The following ZNF385D variants were observed in gnomAD, a reference collection of about 807,000 sequenced individuals.
The protein encoded by ZNF385D is zinc finger protein 659.
Under a neutral mutation model 35.8 loss-of-function variants are expected in ZNF385D, and 15 were observed. That is an observed-to-expected ratio of 0.42 (90% CI 0.28 to 0.64). ZNF385D has a LOEUF of 0.64. Among genes scored for constraint, ZNF385D ranks in the 30% least tolerant of loss-of-function variants. The probability of loss-of-function intolerance (pLI) is 0.23; values close to 1 mark genes in which losing one functional copy is unlikely to be tolerated. For missense variants in ZNF385D, 474 were observed against 494.6 expected, an observed-to-expected ratio of 0.96 and a Z score of 0.39; for synonymous variants, 212 against 186.8, an observed-to-expected ratio of 1.13 and a Z score of -1.10.
chr3:21,585,348 A>G (rs78156264), intron 2 of ZNF385D, among the ~76,000 whole-genome samples: 8,929 of 152,260 alleles, frequency 0.059, 603 homozygotes, highest in African/African-American at 0.16. Context: ...CTTGGAATAC[A>G]TAATTCCTTC....
At chr3:21,566,125 G>A (rs940449513) in intron 2 of ZNF385D, among the ~76,000 whole-genome samples, 8 of 152,168 alleles carry the variant, frequency 5.3e-5, no homozygotes, top group African/African-American at 1.7e-4. Flanking sequence ...GTAGCAGTTA[G>A]CATTTATTAT....
rs61226426 is a variant in ZNF385D, at chr3:21,757,120, C to CTTTTTTTTTTTTTTT, written c.326-92107_326-92093dup. 7.1e-3 allele frequency among the ~76,000 whole-genome samples: 760 copies of CTTTTTTTTTTTTTTT among 106,304 alleles called. 16 individuals carry two copies. Among genetic ancestry groups the CTTTTTTTTTTTTTTT allele is most frequent in the African/African-American group, 0.014 (391 of 27,842 alleles). The allele number at this position is 106,304 out of a possible 152,430, so 69.7% of individuals were successfully genotyped here. ...CTTTGGAGACATATGATAAATTTCTCTTTTTTTTTTTTTTTTTTTGTTTTC... is the reference window on the plus strand; with the variant it reads ...CTTTGGAGACATATGATAAATTTCTCTTTTTTTTTTTTTTTTTTTTTTTTTTTTTTTTTTGTTTTC... On this transcript the variant is annotated intron_variant, in intron 3 of 5. Transcript: ENST00000494108.
At chr3:22,063,693 T>G (rs967520193) in intron 3 of ZNF385D, among the ~76,000 whole-genome samples, 1 of 152,202 alleles carries the variant, frequency 6.6e-6, no homozygotes, top group Non-Finnish European at 1.5e-5. Flanking sequence ...CCCTCAGCTC[T>G]CTGTCCTCTC....
chr3:22,195,017 T>C (rs1696314775), intron 2 of ZNF385D, among the ~76,000 whole-genome samples: 1 of 152,076 alleles, frequency 6.6e-6, no homozygotes, highest in East Asian at 1.9e-4. Context: ...TTGGTCATTA[T>C]ATGCTTAACT....
intron 1 of ZNF385D, among the ~76,000 whole-genome samples, chr3:21,693,733 G>A (rs1185742946): frequency 6.6e-6 from 1 of 151,978 alleles, no homozygotes; most frequent in African/African-American, 2.4e-5. Context: ...GTGTTTCATA[G>A]ATGTATGGAA....
chr3:21,846,502 C>CT (rs1696014867), intron 3 of ZNF385D, among the ~76,000 whole-genome samples: 1 of 151,956 alleles, frequency 6.6e-6, no homozygotes, highest in African/African-American at 2.4e-5. Flanking sequence ...GCAATTATTG[C>CT]TTTAGGGCTT....
chr3:21,756,472 T>C (rs1156401559), intron 3 of ZNF385D, among the ~76,000 whole-genome samples: 1 of 152,046 alleles, frequency 6.6e-6, no homozygotes, highest in Non-Finnish European at 1.5e-5. Flanking sequence ...AGTAGAAATG[T>C]TTCATAGTAG....
intron 2 of ZNF385D, among the ~76,000 whole-genome samples, chr3:22,291,897 G>A (rs893503074): frequency 6.6e-6 from 1 of 151,966 alleles, no homozygotes; most frequent in Non-Finnish European, 1.5e-5. Context: ...AAACTGGTGA[G>A]AAATTTTCTT....
chr3:21,898,422 A>G (rs1050092722), intron 3 of ZNF385D, among the ~76,000 whole-genome samples: 2 of 152,168 alleles, frequency 1.3e-5, no homozygotes, highest in African/African-American at 4.8e-5. Flanking sequence ...CTTCCTACAT[A>G]AACACATAAG....
intron 3 of ZNF385D, among the ~76,000 whole-genome samples, chr3:21,866,949 G>T (rs942780335): frequency 4.6e-5 from 7 of 152,064 alleles, no homozygotes; most frequent in South Asian, 2.1e-4. Context: ...AGGCCAGGCT[G>T]CACCCAATAC....
chr3:21,609,542 A>T (rs1222873352), intron 2 of ZNF385D, among the ~76,000 whole-genome samples: 1 of 152,202 alleles, frequency 6.6e-6, no homozygotes, highest in Non-Finnish European at 1.5e-5. Flanking sequence ...TTGACTACTT[A>T]ACAAACATGT....
chr3:22,125,531 T>C (rs575157448), intron 3 of ZNF385D, among the ~76,000 whole-genome samples: 1 of 152,250 alleles, frequency 6.6e-6, no homozygotes, highest in African/African-American at 2.4e-5. Context: ...AATATTATTT[T>C]TCCAATTCAT....
At chr3:22,195,296 A>G (rs1696336232) in intron 2 of ZNF385D, among the ~76,000 whole-genome samples, 1 of 151,980 alleles carries the variant, frequency 6.6e-6, no homozygotes, top group South Asian at 2.1e-4. Flanking sequence ...TACGTGTCAT[A>G]CATATATTCT....
At chr3:21,752,590 C>T (rs62236197), upstream of ZNF385D, among the ~76,000 whole-genome samples, 26,339 of 152,072 alleles carry the variant, frequency 0.17, 2,780 homozygotes, top group Non-Finnish European at 0.23. Flanking sequence ...GAACAATATC[C>T]TCTCTCACGC....
chr3:21,487,492 A>G (rs1005933163), intron 4 of ZNF385D, among the ~76,000 whole-genome samples: 2 of 152,082 alleles, frequency 1.3e-5, no homozygotes, highest in African/African-American at 2.4e-5. Context: ...TAACACTATA[A>G]TCTTCCTCAT....
At chr3:21,895,809 A>T (rs1222585469) in intron 3 of ZNF385D, among the ~76,000 whole-genome samples, 1 of 152,138 alleles carries the variant, frequency 6.6e-6, no homozygotes, top group Non-Finnish European at 1.5e-5. Context: ...AGTTTGCAAG[A>T]TGGAAATATG....
At chr3:21,738,700 C>A (rs889622770) in intron 1 of ZNF385D, among the ~76,000 whole-genome samples, 1 of 152,074 alleles carries the variant, frequency 6.6e-6, no homozygotes, top group Admixed American at 6.5e-5. Flanking sequence ...GAAATGGAGA[C>A]TTTTGGCCCC....
intron 3 of ZNF385D, among the ~76,000 whole-genome samples, chr3:21,519,562 G>A (rs1286219304): frequency 6.6e-6 from 1 of 152,168 alleles, no homozygotes; most frequent in Non-Finnish European, 1.5e-5. Flanking sequence ...TAAAGGAGAA[G>A]TCCTGATTGA....
In ZNF385D at chr3:21,863,689, G is replaced by A. The variant is rs185252296; in HGVS notation, c.326-198661C>T. On this transcript the variant is annotated intron_variant, in intron 3 of 5. Transcript: ENST00000494108. ...AGTTATTCTGCAGTGATATAATTTC[G>A]AAAAGAACAAGAACTTGCAAAGAAA... 5.4e-4 allele frequency among the ~76,000 whole-genome samples: 82 copies of A among 152,152 alleles called. No individual in the cohort carries two copies. The East Asian group carries it at 0.01, about 19-fold the overall frequency.
Sources: gnomAD v4.1 joint callset for allele counts (sites outside exome capture counted in the v4.1 genomes callset) on GRCh38, gnomAD v4.1.1 for gene constraint, MANE v1.5 for transcripts, NCBI Gene and HGNC (gene_info 2026-07-23, HGNC 2026-07-21) for gene names.